Variants in MED27 observed in about 807,000 individuals in gnomAD.
The protein encoded by MED27 is mediator complex subunit 27.
A neutral mutation model predicts 38.2 loss-of-function variants in MED27; 30 were observed. The ratio of observed to expected loss-of-function variants is 0.79; its 90% CI spans 0.59 to 1.07. MED27 has a LOEUF of 1.07. Ranked by LOEUF, MED27 falls within the 50% of genes least tolerant of loss-of-function variation. The pLI is 0.00. For synonymous variants in MED27, 122 were observed against 153.5 expected, an observed-to-expected ratio of 0.79 and a Z score of 1.52; for missense variants, 289 against 397.5, an observed-to-expected ratio of 0.73 and a Z score of 2.32.
At chr9:131,945,557 A>C (rs1484519985) in intron 3 of MED27, among the ~76,000 whole-genome samples, 1 of 152,112 alleles carries the variant, frequency 6.6e-6, no homozygotes, top group Non-Finnish European at 1.5e-5. Context: ...TACCTACTTG[A>C]AATTTTATAT....
chr9:132,059,305 C>G (rs1332435113), intron 2 of MED27, among the ~76,000 whole-genome samples: 1 of 152,198 alleles, frequency 6.6e-6, no homozygotes, highest in Admixed American at 6.5e-5. Flanking sequence ...TCTGGTGGAG[C>G]ACTACAGACC....
At chr9:132,013,088 T>C (rs943366807) in intron 3 of MED27, among the ~76,000 whole-genome samples, 2 of 151,920 alleles carry the variant, frequency 1.3e-5, no homozygotes, top group Non-Finnish European at 2.9e-5. Context: ...CCCAGAGGAG[T>C]GTGCACACTG....
At chr9:132,013,902 T>C (rs568981882) in intron 3 of MED27, among the ~76,000 whole-genome samples, 5 of 152,246 alleles carry the variant, frequency 3.3e-5, no homozygotes, top group African/African-American at 1.2e-4. Context: ...AGATGCCTTT[T>C]TAAAAGAAAG....
intron 3 of MED27, among the ~76,000 whole-genome samples, chr9:131,980,077 T>C (rs1831696291): frequency 6.6e-6 from 1 of 152,132 alleles, no homozygotes; most frequent in Admixed American, 6.5e-5. Context: ...TTGTTATTTC[T>C]TGGGGGATGG....
At chr9:132,033,993 G>A (rs1009043818) in intron 2 of MED27, among the ~76,000 whole-genome samples, 19 of 152,148 alleles carry the variant, frequency 1.2e-4, no homozygotes, top group Non-Finnish European at 2.4e-4. Context: ...TTAAATGCGA[G>A]GCATGTGTGA....
chr9:132,023,093 C>T (rs965705079), intron 2 of MED27, among the ~76,000 whole-genome samples: 23 of 152,184 alleles, frequency 1.5e-4, no homozygotes, highest in Admixed American at 4.6e-4. Flanking sequence ...TGAGCATTTA[C>T]TGACATACAA....
At position 132,053,441 on chromosome 9, in the gene MED27, C is replaced by T. The variant is rs572419057; in HGVS notation, c.348+24001G>A. ...TTTGGGTACCTAGCAGAAATGCTTA[C>T]CTCTTGTAACAAAAAAAAAAGGAAA... On this transcript the variant is annotated intron_variant, in intron 2 of 7. Coordinates refer to ENST00000292035, the MANE Select transcript of MED27 (RefSeq NM_004269.4). 2.0e-5 allele frequency among the ~76,000 whole-genome samples: 3 copies of T among 152,016 alleles called. No homozygotes were observed. The South Asian group carries it at 6.2e-4, about 32-fold the overall frequency.
At chr9:131,871,340 G>A (rs1838830500) in intron 6 of MED27, among the ~76,000 whole-genome samples, 1 of 152,216 alleles carries the variant, frequency 6.6e-6, no homozygotes, top group Admixed American at 6.5e-5. Context: ...CCAGATAGAG[G>A]TTTGTTCTGT....
chr9:131,907,715 C>T (rs1428689543), intron 4 of MED27, among the ~76,000 whole-genome samples: 1 of 150,280 alleles, frequency 6.7e-6, no homozygotes, highest in Non-Finnish European at 1.5e-5. Flanking sequence ...TGCCTGGCTG[C>T]CCAGTCTGGA....
Position 131,860,791 on chromosome 9 carries a change from C to G in MED27, c.802-119G>C. On this transcript the variant is annotated intron_variant, in intron 7 of 7. Coordinates refer to ENST00000292035, the MANE Select transcript of MED27 (RefSeq NM_004269.4). This position sits in a 1 kb window ranked among gnomAD's most constrained non-coding sequence, Gnocchi z 5.8. ...AGTTGGCTTTGGCCCCAGAAGATGC[C>G]CTGTGATTTCACAGGGAGCAGCAGG... 1 of 1,153,916 alleles carries G rather than the reference C, an allele frequency of 8.7e-7. No individual in the cohort carries two copies. Among genetic ancestry groups the G allele is most frequent in the South Asian group, 1.5e-5 (1 of 67,238 alleles). 71.5% of individuals were successfully genotyped at this position (1,153,916 alleles called of 1,614,324 possible). A position where few individuals can be genotyped will look rare whatever the true frequency, so the allele number is the denominator to read the frequency against.
chr9:131,976,142 C>T (rs1175535301), intron 3 of MED27, among the ~76,000 whole-genome samples: 1 of 152,172 alleles, frequency 6.6e-6, no homozygotes, highest in Non-Finnish European at 1.5e-5. Context: ...TGGACCAGAG[C>T]TGTATCATAC....
chr9:131,957,562 G>A (rs1199843860), intron 3 of MED27, among the ~76,000 whole-genome samples: 1 of 152,074 alleles, frequency 6.6e-6, no homozygotes, highest in Admixed American at 6.5e-5. Flanking sequence ...CCATGTGCCT[G>A]GTCCAGTTTT....
intron 3 of MED27, among the ~76,000 whole-genome samples, chr9:131,981,283 A>G (rs1437613006): frequency 1.3e-5 from 2 of 152,200 alleles, no homozygotes; most frequent in African/African-American, 2.4e-5. Context: ...ACAATAAATC[A>G]TATCCTTCTG....
chr9:132,001,554 C>CA lies in MED27; in HGVS notation c.479+12782dup, dbSNP rs970861197. 8.6e-5 allele frequency among the ~76,000 whole-genome samples: 13 copies of CA among 151,932 alleles called. No individual in the cohort carries two copies. In the East Asian group the frequency reaches 2.3e-3, roughly 27 times the overall value. On this transcript the variant is annotated intron_variant, in intron 3 of 7. Coordinates refer to ENST00000292035, the MANE Select transcript of MED27 (RefSeq NM_004269.4). ...AATAATATATTCAAAAGAAAAAAAA[C>CA]AAAAAAATCACCAGCCTATCCTTTT...
intron 3 of MED27, among the ~76,000 whole-genome samples, chr9:131,940,026 C>T (rs1422894277): frequency 6.6e-6 from 1 of 151,706 alleles, no homozygotes; most frequent in Non-Finnish European, 1.5e-5. Flanking sequence ...CCTGCTTCAG[C>T]CTCCCGAGTA....
intron 3 of MED27, among the ~76,000 whole-genome samples, chr9:131,995,675 G>A (rs980120211): frequency 1.3e-5 from 2 of 152,004 alleles, no homozygotes; most frequent in Non-Finnish European, 2.9e-5. Flanking sequence ...ATCAAATCAA[G>A]GAAACCCCTT....
At chr9:131,884,649 C>T (rs1011231821) in intron 5 of MED27, among the ~76,000 whole-genome samples, 17 of 150,038 alleles carry the variant, frequency 1.1e-4, no homozygotes, top group South Asian at 2.1e-4. Context: ...GCTCTGTCAC[C>T]CAGGCTGGAG....
intron 3 of MED27, among the ~76,000 whole-genome samples, chr9:132,011,302 C>T (rs1172008570): frequency 6.6e-6 from 1 of 152,042 alleles, no homozygotes; most frequent in African/African-American, 2.4e-5. Context: ...GAACAATATC[C>T]ATCCTAATCT....
At chr9:132,064,784 A>T (rs1320520420) in intron 2 of MED27, among the ~76,000 whole-genome samples, 3 of 152,230 alleles carry the variant, frequency 2.0e-5, no homozygotes, top group Non-Finnish European at 4.4e-5. Context: ...ACTGCTTTGG[A>T]TAAGTTACAT....
Sources: allele counts gnomAD v4.1 joint callset (sites outside exome capture counted in the v4.1 genomes callset), GRCh38; gene constraint gnomAD v4.1.1; non-coding constraint Gnocchi (gnomAD v3.1); transcripts MANE v1.5; gene names NCBI Gene and HGNC (gene_info 2026-07-23, HGNC 2026-07-21).